The following ANKRD11 variants were observed in gnomAD, a reference collection of about 807,000 sequenced individuals.
The protein encoded by ANKRD11 is ankyrin repeat domain 11, also known as ankyrin repeat domain-containing protein 11.
A neutral mutation model predicts 195.7 loss-of-function variants in ANKRD11; 17 were observed. The ratio of observed to expected loss-of-function variants is 0.09; its 90% CI spans 0.06 to 0.13. ANKRD11 has a LOEUF of 0.13. Ranked by LOEUF, ANKRD11 falls within the 10% of genes least tolerant of loss-of-function variation. The pLI is 1.00. For synonymous variants in ANKRD11, 1,953 were observed against 1,528.1 expected (o/e 1.28, Z -6.49); for missense variants, 3,735 against 3,566.1 (o/e 1.05, Z -1.21).
At chr16:89,377,479 C>A (rs1354805407) in intron 2 of ANKRD11, among the ~76,000 whole-genome samples, 2 of 143,898 alleles carry the variant, frequency 1.4e-5, no homozygotes, top group Admixed American at 7.1e-5. Context: ...TGGGCCGGGG[C>A]AGGAGGGCTG....
chr16:89,295,483 T>G (rs1204045570), intron 4 of ANKRD11, among the ~76,000 whole-genome samples: 1 of 152,188 alleles, frequency 6.6e-6, no homozygotes, highest in African/African-American at 2.4e-5. Flanking sequence ...AGTGGAAGAT[T>G]CCACGGAACC....
At chr16:89,295,290 G>T (rs2035341903) in intron 4 of ANKRD11, among the ~76,000 whole-genome samples, 2 of 152,218 alleles carry the variant, frequency 1.3e-5, no homozygotes, top group Non-Finnish European at 2.9e-5. Flanking sequence ...GGTGGAGGGT[G>T]CCAGGAGAGG....
chr16:89,417,456 C>T (rs1467817504), intron 2 of ANKRD11, among the ~76,000 whole-genome samples: 2 of 152,152 alleles, frequency 1.3e-5, no homozygotes, highest in East Asian at 3.8e-4. Flanking sequence ...GAGGACTCTG[C>T]CCTACAGCGA....
chr16:89,438,446 A>G (rs2043307633), intron 1 of ANKRD11, among the ~76,000 whole-genome samples: 1 of 151,902 alleles, frequency 6.6e-6, no homozygotes, highest in African/African-American at 2.4e-5. Context: ...CACCCACCCG[A>G]GTAGCTGGGA....
chr16:89,347,862 G>A (rs2039017405), intron 2 of ANKRD11, among the ~76,000 whole-genome samples: 1 of 151,974 alleles, frequency 6.6e-6, no homozygotes, highest in African/African-American at 2.4e-5. Flanking sequence ...TTCTCAGAAC[G>A]TCCTCCATCA....
intron 1 of ANKRD11, among the ~76,000 whole-genome samples, chr16:89,478,251 A>ATTT (rs1411338491): frequency 6.6e-6 from 1 of 151,906 alleles, no homozygotes; most frequent in Non-Finnish European, 1.5e-5. Flanking sequence ...CAAGAACCCC[A>ATTT]TTTTCACATC....
At position 89,410,627 on chromosome 16, in the gene ANKRD11, T is replaced by G. The variant is rs1023552131; in HGVS notation, c.-60+7657A>C. On this transcript the variant is annotated intron_variant, in intron 2 of 12. Transcript: ENST00000301030. ...TAAAGCAGTTGCTATCCTGCTGACG[T>G]GCTGACACCATCAGATATGAACAAG... 3.3e-5 allele frequency among the ~76,000 whole-genome samples: 5 copies of G among 152,242 alleles called. No individual in the cohort carries two copies. The East Asian group carries it at 7.7e-4, about 23-fold the overall frequency.
intron 7 of ANKRD11, chr16:89,286,473 C>G (rs1356079676): frequency 1.8e-6 from 1 of 559,132 alleles, no homozygotes; most frequent in Non-Finnish European, 3.0e-6. Context: ...TTTTTTTCCA[C>G]CATTTCTCCG....
intron 2 of ANKRD11, among the ~76,000 whole-genome samples, chr16:89,372,047 C>T (rs149190126): frequency 9.2e-5 from 14 of 152,342 alleles, no homozygotes; most frequent in African/African-American, 2.2e-4. Context: ...AGCACTCACA[C>T]TGAAACCAGT....
At chr16:89,363,235 A>T (rs1335375912) in intron 2 of ANKRD11, among the ~76,000 whole-genome samples, 1 of 152,188 alleles carries the variant, frequency 6.6e-6, no homozygotes, top group East Asian at 1.9e-4. Flanking sequence ...TTTTCATTTA[A>T]AATTTTTTCC....
At chr16:89,275,788 G>A (rs940476971) in intron 9 of ANKRD11, among the ~76,000 whole-genome samples, 3 of 152,166 alleles carry the variant, frequency 2.0e-5, no homozygotes, top group African/African-American at 4.8e-5. Flanking sequence ...GAGGTGGGTC[G>A]GCCATTCTGA....
In ANKRD11 at chr16:89,277,189, G is replaced by A. The variant is rs565597551; in HGVS notation, c.7470+1883C>T. 3.3e-5 allele frequency among the ~76,000 whole-genome samples: 5 copies of A among 152,330 alleles called. No individual in the cohort carries two copies. In the East Asian group the frequency reaches 7.7e-4, roughly 23 times the overall value. On this transcript the variant is annotated intron_variant, in intron 9 of 12. Transcript: ENST00000301030. Reference sequence around the variant, plus strand: ...TGAGGGTTCTGCTGAGATGGGGCCCGTCGGTGGCAGGGATTCTGTGGGCCA... The same window carrying A: ...TGAGGGTTCTGCTGAGATGGGGCCCATCGGTGGCAGGGATTCTGTGGGCCA...
chr16:89,357,867 C>G (rs372157610), intron 2 of ANKRD11, among the ~76,000 whole-genome samples: 52 of 152,350 alleles, frequency 3.4e-4, no homozygotes, highest in African/African-American at 1.0e-3. Flanking sequence ...CTGGCTGCCC[C>G]TTTCTGGGGA....
intron 2 of ANKRD11, chr16:89,412,338 A>G (rs1332771870): frequency 2.5e-5 from 3 of 119,708 alleles, no homozygotes; most frequent in Non-Finnish European, 5.3e-5. Context: ...CCCCTCAGCC[A>G]GGTACTGGGC....
chr16:89,375,782 A>G (rs2040399687), intron 2 of ANKRD11, among the ~76,000 whole-genome samples: 1 of 151,680 alleles, frequency 6.6e-6, no homozygotes, highest in East Asian at 1.9e-4. Context: ...AAAAAAAAAA[A>G]AAAAAAAGCC....
At chr16:89,467,948 G>A (rs568061634) in intron 1 of ANKRD11, among the ~76,000 whole-genome samples, 15 of 151,908 alleles carry the variant, frequency 9.9e-5, no homozygotes, top group Non-Finnish European at 2.9e-5. Context: ...CTACAGATGC[G>A]CACCACCATA....
chr16:89,290,148 C>G (rs922033739), intron 6 of ANKRD11, among the ~76,000 whole-genome samples: 2 of 152,258 alleles, frequency 1.3e-5, no homozygotes, highest in Non-Finnish European at 2.9e-5. Flanking sequence ...TGTGAACACC[C>G]CGAGCCCTGC....
chr16:89,385,479 G>A (rs2040867467), intron 2 of ANKRD11, among the ~76,000 whole-genome samples: 1 of 152,098 alleles, frequency 6.6e-6, no homozygotes, highest in South Asian at 2.1e-4. Flanking sequence ...CCACAAGCCA[G>A]CACCGGGCAG....
intron 9 of ANKRD11, 153 bp downstream of exon 9, chr16:89,278,916 ACAG>A (rs1452838612): frequency 1.6e-6 from 2 of 1,272,052 alleles, no homozygotes; most frequent in Middle Eastern, 1.8e-4. Context: ...TTTTGCCTCC[ACAG>A]CAGAAGTGGG....
Sources: gnomAD v4.1 joint callset for allele counts (sites outside exome capture counted in the v4.1 genomes callset) on GRCh38, gnomAD v4.1.1 for gene constraint, MANE v1.5 for transcripts, NCBI Gene and HGNC (gene_info 2026-07-23, HGNC 2026-07-21) for gene names.